The following CPHXL variants were observed in gnomAD, a reference collection of about 807,000 sequenced individuals.
CPHXL encodes cytoplasmic polyadenylated homeobox like, also known as cytoplasmic polyadenylated homeobox-like protein.
Position 75,721,000 on chromosome 16 carries a change from C to A in CPHXL, c.26-2542G>T, listed in dbSNP as rs997624015. Among the ~76,000 whole-genome samples the A allele has an allele frequency of 3.9e-5, 6 of 152,138 alleles. 1 individual carries two copies. The highest frequency in any genetic ancestry group is 3.9e-4 in the Admixed American group (6 of 15,274). The stretch of plus-strand genomic sequence containing the variant: ...AACCAGAATTTCATATCCAGCCAAA[C>A]TAAGCTTCATAAGTGAAGGAGAAAT... On this transcript the variant is annotated intron_variant, in intron 1 of 2. Coordinates refer to ENST00000640559, the MANE Select transcript of CPHXL (RefSeq NM_001355613.1).
At chr16:75,723,103 A>G (rs1959501939) in intron 1 of CPHXL, among the ~76,000 whole-genome samples, 1 of 152,210 alleles carries the variant, frequency 6.6e-6, no homozygotes, top group Non-Finnish European at 1.5e-5. Context: ...ATGTATCTCA[A>G]AATAATAAGA....
intron 1 of CPHXL, among the ~76,000 whole-genome samples, chr16:75,719,343 C>A (rs753004108): frequency 3.9e-5 from 6 of 152,140 alleles, no homozygotes; most frequent in Admixed American, 3.9e-4. Context: ...TCAGGGAATT[C>A]CCTTTCCTAG....
At chr16:75,716,681 G>A (rs1044336683) in intron 2 of CPHXL, among the ~76,000 whole-genome samples, 1 of 152,062 alleles carries the variant, frequency 6.6e-6, no homozygotes, top group African/African-American at 2.4e-5. Flanking sequence ...TTAAGCCATT[G>A]GCTATTGGTG....
At position 75,715,134 on chromosome 16, in the gene CPHXL, T is replaced by C; in HGVS notation, c.308A>G (p.Gln103Arg). The C allele has an allele frequency of 2.5e-6, 1 of 399,046 alleles. No individual in the cohort carries two copies. The highest frequency in any genetic ancestry group is 4.4e-6 in the Non-Finnish European group (1 of 226,198). 24.7% of individuals were successfully genotyped at this position (399,046 alleles called of 1,614,324 possible). Reference sequence around the variant, plus strand: ...CTGGCAGCTTAAAAATGAATGGGCTTGGACTGGAAAATCATGCTTTTTCTG... The same window carrying C: ...CTGGCAGCTTAAAAATGAATGGGCTCGGACTGGAAAATCATGCTTTTTCTG... ...VLQKKHDFPVQAHSFLSCQET... is the reference protein window; with the variant it reads ...VLQKKHDFPVRAHSFLSCQET... The change falls in exon 3 of 3, where the codon CAA (glutamine) becomes CGA (arginine). Residue 103 changes from glutamine (Q) to arginine (R), a missense_variant. Physicochemically the swap from Gln to Arg is conservative, Grantham distance 43. Transcript: ENST00000640559.
At chr16:75,721,225 A>C (rs529216083) in intron 1 of CPHXL, among the ~76,000 whole-genome samples, 4 of 152,224 alleles carry the variant, frequency 2.6e-5, no homozygotes, top group South Asian at 2.1e-4. Flanking sequence ...TAACATCATA[A>C]TGACAGGATC....
chr16:75,720,181 T>A (rs907171500), intron 1 of CPHXL, among the ~76,000 whole-genome samples: 4 of 151,968 alleles, frequency 2.6e-5, no homozygotes, highest in Non-Finnish European at 5.9e-5. Flanking sequence ...CCGGAAACTC[T>A]AAAAATCAGA....
At chr16:75,718,487 C>T (rs947051646) in intron 1 of CPHXL, 29 bp from the exon 2 acceptor site, 67 of 398,380 alleles carry the variant, frequency 1.7e-4, no homozygotes, top group African/African-American at 1.2e-3. Flanking sequence ...GCGAGAAGGG[C>T]ATTAGAGAAT....
intron 1 of CPHXL, among the ~76,000 whole-genome samples, chr16:75,719,026 CA>C (rs1249842514): frequency 6.6e-6 from 1 of 152,148 alleles, no homozygotes; most frequent in African/African-American, 2.4e-5. Context: ...TGCTGAGTTC[CA>C]CGAGTGTAGT....
intron 2 of CPHXL, among the ~76,000 whole-genome samples, chr16:75,717,468 T>C (rs989431386): frequency 6.6e-6 from 1 of 152,262 alleles, no homozygotes; most frequent in East Asian, 1.9e-4. Context: ...ATATATACTA[T>C]GCACATTCTC....
intron 1 of CPHXL, among the ~76,000 whole-genome samples, chr16:75,720,353 G>GA (rs75611783): frequency 6.6e-6 from 1 of 151,858 alleles, no homozygotes; most frequent in African/African-American, 2.4e-5. Flanking sequence ...TAAAAACCTT[G>GA]AAAAAAAATT....
intron 1 of CPHXL, among the ~76,000 whole-genome samples, chr16:75,718,820 G>T (rs148573381): frequency 2.6e-5 from 4 of 152,186 alleles, no homozygotes; most frequent in African/African-American, 9.7e-5. Context: ...TTACTATCTG[G>T]ATTTGAGAAT....
intron 1 of CPHXL, among the ~76,000 whole-genome samples, chr16:75,719,632 C>T (rs1015653010): frequency 1.3e-5 from 2 of 152,192 alleles, no homozygotes; most frequent in African/African-American, 4.8e-5. Context: ...GAGCCCACTG[C>T]AGCTCAAGGA....
At chr16:75,717,849 C>T (rs773628486) in intron 2 of CPHXL, among the ~76,000 whole-genome samples, 13 of 152,172 alleles carry the variant, frequency 8.5e-5, no homozygotes, top group Non-Finnish European at 1.8e-4. Flanking sequence ...TTTGATTGCA[C>T]TTTCCCATTT....
At chr16:75,715,902 T>G (rs1959384610) in intron 2 of CPHXL, among the ~76,000 whole-genome samples, 1 of 152,108 alleles carries the variant, frequency 6.6e-6, no homozygotes, top group Non-Finnish European at 1.5e-5. Context: ...TTCGCTATGT[T>G]GGCCAGGCTG....
At position 75,720,990 on chromosome 16, in the gene CPHXL, T is replaced by G. The variant is rs574294313; in HGVS notation, c.26-2532A>C. On this transcript the variant is annotated intron_variant, in intron 1 of 2. Coordinates refer to ENST00000640559, the MANE Select transcript of CPHXL (RefSeq NM_001355613.1). ...AAGAATTTTCAACCAGAATTTCATA[T>G]CCAGCCAAACTAAGCTTCATAAGTG... Among the ~76,000 whole-genome samples, 334 of 152,284 alleles carry G rather than the reference T, an allele frequency of 2.2e-3. 4 individuals are homozygous for G. Among genetic ancestry groups the G allele is most frequent in the Non-Finnish European group, 2.1e-3 (146 of 68,036 alleles).
chr16:75,721,924 C>A (rs1051498974), intron 1 of CPHXL, among the ~76,000 whole-genome samples: 13 of 152,304 alleles, frequency 8.5e-5, no homozygotes, highest in African/African-American at 3.1e-4. Context: ...ACAGTGCAAT[C>A]AAACTAGAAC....
At chr16:75,726,317 C>T (rs947190057) in intron 1 of CPHXL, 101 bp downstream of exon 1, 1 of 398,220 alleles carries the variant, frequency 2.5e-6, no homozygotes. Context: ...GCTGCTGCTC[C>T]AACAATCTGT....
chr16:75,720,708 A>G (rs1183924461), intron 1 of CPHXL, among the ~76,000 whole-genome samples: 2 of 152,014 alleles, frequency 1.3e-5, no homozygotes, highest in Non-Finnish European at 2.9e-5. Flanking sequence ...AACTTCCCCA[A>G]TCTAGCAAGG....
intron 1 of CPHXL, among the ~76,000 whole-genome samples, chr16:75,725,139 G>A (rs112504247): frequency 2.0e-5 from 3 of 146,862 alleles, no homozygotes; most frequent in Admixed American, 6.8e-5. Context: ...GTCGGGGGAG[G>A]GGGGAGGGAT....
Sources: gnomAD v4.1 joint callset for allele counts (sites outside exome capture counted in the v4.1 genomes callset) on GRCh38, gnomAD v4.1.1 for gene constraint, MANE v1.5 for transcripts, NCBI Gene and HGNC (gene_info 2026-07-23, HGNC 2026-07-21) for gene names.